CNTN5: variants seen among roughly 807,000 people sequenced by gnomAD.
The protein encoded by CNTN5 is contactin 5, also known as contactin-5.
CNTN5 carries 77 observed loss-of-function variants against 129.1 expected under a neutral mutation model. The ratio of observed to expected loss-of-function variants is 0.60; its 90% CI spans 0.50 to 0.72. CNTN5 has a LOEUF of 0.72. Ranked by LOEUF, CNTN5 falls within the 30% of genes least tolerant of loss-of-function variation. The probability of loss-of-function intolerance (pLI) is 0.00; values close to 1 mark genes in which losing one functional copy is unlikely to be tolerated. For synonymous variants in CNTN5, 509 were observed against 465.6 expected, an observed-to-expected ratio of 1.09 and a Z score of -1.20; for missense variants, 1,478 against 1,328.8, an observed-to-expected ratio of 1.11 and a Z score of -1.75.
At chr11:99,971,758 A>G (rs904526494) in intron 8 of CNTN5, among the ~76,000 whole-genome samples, 5 of 151,908 alleles carry the variant, frequency 3.3e-5, no homozygotes, top group Non-Finnish European at 5.9e-5. Context: ...TTATGGCTAA[A>G]GTTTATAACT....
At chr11:100,045,423 TTAGAGA>T (rs1366786324) in intron 9 of CNTN5, among the ~76,000 whole-genome samples, 1 of 151,910 alleles carries the variant, frequency 6.6e-6, no homozygotes, top group Non-Finnish European at 1.5e-5. Flanking sequence ...GATCCAAAGA[TTAGAGA>T]TAGAAGAAAA....
intron 2 of CNTN5, among the ~76,000 whole-genome samples, chr11:99,348,554 C>T (rs1015595209): frequency 6.6e-6 from 1 of 152,214 alleles, no homozygotes; most frequent in Non-Finnish European, 1.5e-5. Context: ...GAAACTCCAA[C>T]CTACAGACTG....
In CNTN5 at chr11:100,044,776, G is replaced by T. The variant is rs557801827; in HGVS notation, c.981-16436G>T. Among the ~76,000 whole-genome samples, 3 of 151,518 alleles carry T rather than the reference G, an allele frequency of 2.0e-5. No homozygotes were observed. In the East Asian group the frequency reaches 5.9e-4, roughly 30 times the overall value. ...TGCAAATATTTTATCCCATTTTTCA[G>T]GTTGTCTGTTCACGCTGTTGATTAT... On this transcript the variant is annotated intron_variant, in intron 9 of 24. Transcript: ENST00000524871.
At chr11:99,981,245 G>A (rs897728124) in intron 8 of CNTN5, among the ~76,000 whole-genome samples, 1 of 151,820 alleles carries the variant, frequency 6.6e-6, no homozygotes, top group African/African-American at 2.4e-5. Flanking sequence ...CAAGTCCAAA[G>A]GCCTCAGAAC....
chr11:99,695,334 T>C (rs1018179805), intron 3 of CNTN5, among the ~76,000 whole-genome samples: 4 of 151,858 alleles, frequency 2.6e-5, no homozygotes, highest in African/African-American at 9.7e-5. Flanking sequence ...CAGGGTAGCA[T>C]TGATGAGTGA....
intron 1 of CNTN5, among the ~76,000 whole-genome samples, chr11:99,034,107 C>T (rs1227326749): frequency 6.6e-6 from 1 of 152,154 alleles, no homozygotes; most frequent in Non-Finnish European, 1.5e-5. Flanking sequence ...CCTTGCATCC[C>T]AAGGATGAAG....
intron 1 of CNTN5, among the ~76,000 whole-genome samples, chr11:99,098,184 G>C (rs1866562850): frequency 6.6e-6 from 1 of 152,036 alleles, no homozygotes; most frequent in African/African-American, 2.4e-5. Context: ...TAATCTCAAA[G>C]AGTTGGACTT....
intron 1 of CNTN5, among the ~76,000 whole-genome samples, chr11:99,295,126 A>T (rs1274466006): frequency 1.3e-5 from 2 of 152,216 alleles, no homozygotes; most frequent in Non-Finnish European, 2.9e-5. Flanking sequence ...GAGAGAATAC[A>T]GTGCACCAGG....
At chr11:100,084,848 C>A (rs1030285367) in intron 13 of CNTN5, among the ~76,000 whole-genome samples, 4 of 151,988 alleles carry the variant, frequency 2.6e-5, no homozygotes, top group African/African-American at 9.7e-5. Flanking sequence ...TCTCCTTTTC[C>A]TTAATGGAGA....
chr11:100,328,871 G>A (rs1038727073), intron 21 of CNTN5, among the ~76,000 whole-genome samples: 3 of 152,204 alleles, frequency 2.0e-5, no homozygotes, highest in African/African-American at 7.2e-5. Context: ...CTCACATGGT[G>A]AACTTGTGCT....
At chr11:100,125,840 T>C (rs189886418) in intron 13 of CNTN5, among the ~76,000 whole-genome samples, 24 of 152,230 alleles carry the variant, frequency 1.6e-4, no homozygotes, top group Admixed American at 6.5e-4. Context: ...ATTTCTTTTC[T>C]TCTCCTAGAG....
intron 9 of CNTN5, among the ~76,000 whole-genome samples, chr11:100,058,118 T>C (rs1943310103): frequency 6.6e-6 from 1 of 152,122 alleles, no homozygotes; most frequent in Non-Finnish European, 1.5e-5. Context: ...TTTATATAAC[T>C]TGCTGCTAAA....
At chr11:99,260,192 CTATT>C (rs1470840694) in intron 1 of CNTN5, among the ~76,000 whole-genome samples, 6 of 151,594 alleles carry the variant, frequency 4.0e-5, no homozygotes, top group Admixed American at 1.3e-4. Context: ...TTTCTTAACT[CTATT>C]AATTTATTGT....
chr11:99,663,081 G>A (rs1300217964), intron 3 of CNTN5, among the ~76,000 whole-genome samples: 1 of 150,894 alleles, frequency 6.6e-6, no homozygotes, highest in Non-Finnish European at 1.5e-5. Flanking sequence ...CAGTGCAAAA[G>A]ACAGTAAGTA....
At chr11:99,795,814 G>A (rs1374749624) in intron 3 of CNTN5, among the ~76,000 whole-genome samples, 1 of 152,096 alleles carries the variant, frequency 6.6e-6, no homozygotes, top group Non-Finnish European at 1.5e-5. Flanking sequence ...CAGTTATGAG[G>A]TCACTGACTT....
At chr11:99,565,770 C>T (rs1170391947) in intron 3 of CNTN5, among the ~76,000 whole-genome samples, 2 of 152,016 alleles carry the variant, frequency 1.3e-5, no homozygotes, top group East Asian at 3.9e-4. Context: ...CATGATTTCC[C>T]CCCATGCATG....
At chr11:99,109,864 A>G (rs1386475450) in intron 1 of CNTN5, among the ~76,000 whole-genome samples, 2 of 152,130 alleles carry the variant, frequency 1.3e-5, no homozygotes, top group Admixed American at 6.6e-5. Flanking sequence ...TGAACATTAG[A>G]TTCAACTTAT....
At chr11:100,274,973 C>T (rs1313865565) in intron 18 of CNTN5, among the ~76,000 whole-genome samples, 1 of 152,134 alleles carries the variant, frequency 6.6e-6, no homozygotes, top group Non-Finnish European at 1.5e-5. Context: ...AACAAACCTG[C>T]ACATGTACCC....
At chr11:99,134,355 G>T (rs1241176594) in intron 1 of CNTN5, among the ~76,000 whole-genome samples, 2 of 152,068 alleles carry the variant, frequency 1.3e-5, no homozygotes, top group African/African-American at 4.8e-5. Context: ...CATGGCACAC[G>T]TTTACCTGTA....
Sources: allele counts gnomAD v4.1 joint callset (sites outside exome capture counted in the v4.1 genomes callset), GRCh38; gene constraint gnomAD v4.1.1; transcripts MANE v1.5; gene names NCBI Gene and HGNC (gene_info 2026-07-23, HGNC 2026-07-21).